Variants in DNAI4 observed in about 807,000 individuals in gnomAD.
DNAI4 encodes dynein axonemal intermediate chain 4.
A neutral mutation model predicts 105.8 loss-of-function variants in DNAI4; 85 were observed. That is an observed-to-expected ratio of 0.80 (90% CI 0.67 to 0.96). The LOEUF (loss-of-function observed/expected upper bound fraction) is 0.96, where lower values mean the gene tolerates loss of function less well. DNAI4 is among the 40% of genes least tolerant of loss of function. DNAI4 has a pLI of 0.00. For synonymous variants in DNAI4, 352 were observed against 331.5 expected, an observed-to-expected ratio of 1.06 and a Z score of -0.67; for missense variants, 1,014 against 1,005.6, an observed-to-expected ratio of 1.01 and a Z score of -0.11.
chr1:66,817,440 G>A (rs149576288), intron 16 of DNAI4, among the ~76,000 whole-genome samples: 2 of 152,206 alleles, frequency 1.3e-5, no homozygotes, highest in African/African-American at 4.8e-5. Flanking sequence ...GGGCATTATG[G>A]TATGCACCTG....
chr1:66,892,994 A>T (rs1647850029), intron 3 of DNAI4, among the ~76,000 whole-genome samples: 2 of 124,546 alleles, frequency 1.6e-5, no homozygotes, highest in Admixed American at 1.5e-4. Flanking sequence ...AGAAAGAAAG[A>T]AAGAGAGAAA....
chr1:66,896,425 C>T (rs1165523189), intron 2 of DNAI4, among the ~76,000 whole-genome samples: 2 of 152,132 alleles, frequency 1.3e-5, no homozygotes, highest in Non-Finnish European at 1.5e-5. Context: ...AATCTTTTTA[C>T]ACTTCAAGAA....
intron 15 of DNAI4, 44 bp downstream of exon 15, chr1:66,826,776 G>C: frequency 1.9e-6 from 3 of 1,563,152 alleles, no homozygotes; most frequent in Non-Finnish European, 2.6e-6. Flanking sequence ...CACTTAGTTT[G>C]AACTGCTTCT....
chr1:66,830,707 G>A (rs1645847964), intron 13 of DNAI4, among the ~76,000 whole-genome samples: 1 of 151,704 alleles, frequency 6.6e-6, no homozygotes, highest in African/African-American at 2.4e-5. Context: ...CTTGAACCCA[G>A]GAGGCGGAGG....
At chr1:66,814,645 T>A (rs375664679) in intron 16 of DNAI4, among the ~76,000 whole-genome samples, 2 of 152,152 alleles carry the variant, frequency 1.3e-5, no homozygotes, top group Middle Eastern at 3.2e-3. Flanking sequence ...TGGGATTACA[T>A]GCGTGAGCCA....
intron 8 of DNAI4, among the ~76,000 whole-genome samples, chr1:66,841,840 A>C (rs185497873): frequency 2.0e-5 from 3 of 152,276 alleles, no homozygotes; most frequent in African/African-American, 7.2e-5. Context: ...CAAAGTCCAT[A>C]GTTTTACATT....
At chr1:66,879,528 G>A (rs1195154131) in intron 4 of DNAI4, among the ~76,000 whole-genome samples, 2 of 152,172 alleles carry the variant, frequency 1.3e-5, no homozygotes, top group East Asian at 3.8e-4. Context: ...TAAATTTTCA[G>A]TTCATTTGGG....
chr1:66,814,345 C>T (rs532721020), intron 16 of DNAI4, among the ~76,000 whole-genome samples, 165 bp from the exon 17 acceptor site: 60 of 152,068 alleles, frequency 3.9e-4, no homozygotes, highest in African/African-American at 1.4e-3. Context: ...TGGTTATTTC[C>T]TAGTATAAAC....
intron 12 of DNAI4, 83 bp from the exon 13 acceptor site, chr1:66,833,789 A>G (rs1351120672): frequency 6.6e-7 from 1 of 1,517,134 alleles, no homozygotes; most frequent in South Asian, 1.3e-5. Flanking sequence ...TCTCCTGCAA[A>G]TAATAATATT....
At chr1:66,839,826 GC>G (rs1303187066) in intron 9 of DNAI4, among the ~76,000 whole-genome samples, 4 of 152,154 alleles carry the variant, frequency 2.6e-5, no homozygotes, top group African/African-American at 9.7e-5. Context: ...TTGAATTCTG[GC>G]TGTTTCACCT....
chr1:66,843,400 G>A (rs367930579), intron 8 of DNAI4, among the ~76,000 whole-genome samples: 1 of 151,942 alleles, frequency 6.6e-6, no homozygotes, highest in Non-Finnish European at 1.5e-5. Flanking sequence ...TTATTGTTGG[G>A]TTTTAAGAGT....
chr1:66,815,250 T>C (rs1427249880), intron 16 of DNAI4, among the ~76,000 whole-genome samples: 2 of 152,212 alleles, frequency 1.3e-5, no homozygotes, highest in African/African-American at 2.4e-5. Context: ...AAGAGGTCAC[T>C]ATAAAAATTT....
intron 7 of DNAI4, chr1:66,847,914 A>T (rs1379958636): frequency 6.4e-6 from 3 of 468,042 alleles, no homozygotes; most frequent in African/African-American, 6.0e-5. Flanking sequence ...GGCAATGATA[A>T]CCTCCAGAGG....
chr1:66,874,673 T>C (rs1048747018), intron 5 of DNAI4, 108 bp downstream of exon 5: 19 of 1,073,230 alleles, frequency 1.8e-5, no homozygotes, highest in Non-Finnish European at 2.2e-5. Context: ...CCAAACCCCA[T>C]AGTGTATACC....
intron 1 of DNAI4, among the ~76,000 whole-genome samples, chr1:66,921,060 G>C (rs929230499): frequency 3.3e-5 from 5 of 152,206 alleles, no homozygotes; most frequent in African/African-American, 9.7e-5. Context: ...GGATATGACA[G>C]ATATTTTGTA....
chr1:66,922,077 A>G (rs1480677482), intron 1 of DNAI4, among the ~76,000 whole-genome samples: 1 of 151,740 alleles, frequency 6.6e-6, no homozygotes, highest in Non-Finnish European at 1.5e-5. Flanking sequence ...GTTTTGTAGA[A>G]ATGGGGGTTT....
chr1:66,893,065 GAAAGAA>G (rs1365286497), intron 3 of DNAI4, among the ~76,000 whole-genome samples, 158 bp downstream of exon 3: 2 of 85,486 alleles, frequency 2.3e-5, no homozygotes, highest in East Asian at 3.3e-4. Flanking sequence ...GAGAGAGAGA[GAAAGAA>G]AGAAAGAAAG....
chr1:66,857,079 G>C (rs1209455338), intron 7 of DNAI4, among the ~76,000 whole-genome samples: 1 of 151,746 alleles, frequency 6.6e-6, no homozygotes, highest in African/African-American at 2.4e-5. Context: ...TTTTAGCCAG[G>C]CTAACCAAGA....
chr1:66,871,335 CATT>C lies in DNAI4; in HGVS notation c.940+32_940+34del, dbSNP rs1646840982. ...CAGACTCAAAAAATGTATATTAGAA[CATT>C]ATAGTTTATCAAGCAGAATGATAGA... On this transcript the variant is annotated intron_variant, in intron 6 of 16. Coordinates refer to ENST00000371026, the MANE Select transcript of DNAI4 (RefSeq NM_024763.5). 3.8e-6 allele frequency: 6 copies of C among 1,565,494 alleles called. No homozygotes were observed. In the East Asian group the frequency reaches 1.4e-4, roughly 35 times the overall value.
Sources: allele counts gnomAD v4.1 joint callset (sites outside exome capture counted in the v4.1 genomes callset), GRCh38; gene constraint gnomAD v4.1.1; transcripts MANE v1.5; gene names NCBI Gene and HGNC (gene_info 2026-07-23, HGNC 2026-07-21).